Variants in GCGR observed in about 807,000 individuals in gnomAD.
GCGR encodes glucagon receptor.
GCGR carries 41 observed loss-of-function variants against 56.1 expected under a neutral mutation model. That is an observed-to-expected ratio of 0.73 (90% confidence interval 0.57 to 0.95). The LOEUF is 0.95. Among genes scored for constraint, GCGR ranks in the 40% least tolerant of loss-of-function variants. The pLI is 0.00. For missense variants in GCGR, 595 were observed against 638.2 expected (o/e 0.93, Z 0.73); for synonymous variants, 278 against 271.1 (o/e 1.03, Z -0.25).
rs1275835490 is a variant in GCGR, at chr17:81,813,913, G to A, written c.*224G>A. 8 of 584,392 alleles carry A rather than the reference G, an allele frequency of 1.4e-5. No individual in the cohort carries two copies. Among genetic ancestry groups the A allele is most frequent in the Non-Finnish European group, 1.8e-5 (6 of 328,150 alleles). The allele number at this position is 584,392 out of a possible 1,614,324, so 36.2% of individuals were successfully genotyped here. A position where few individuals can be genotyped will look rare whatever the true frequency, so the allele number is the denominator to read the frequency against. ...CAGAGGAGTCCAGGGCGGGAGTGGG[G>A]GCTGTGCCGTGAACTGCGTGCCAGT... On this transcript the variant is annotated 3_prime_UTR_variant, in exon 14 of 14. Coordinates refer to ENST00000400723, the MANE Select transcript of GCGR (RefSeq NM_000160.5). This position sits in a 1 kb window ranked among gnomAD's most constrained non-coding sequence, Gnocchi z 5.3.
chr17:81,804,779 T>G lies in GCGR; in HGVS notation c.-178+530T>G, dbSNP rs2037915638. ...GCCGCTCCTCTTCCGCGGCCCACAC[T>G]GGCGACTTTGACCCCGGCAAGCGGG... On this transcript the variant is annotated intron_variant, in intron 1 of 13. Coordinates refer to ENST00000400723, the MANE Select transcript of GCGR (RefSeq NM_000160.5). The surrounding 1 kb of genome is among the most constrained non-coding windows in gnomAD (Gnocchi z 8.2). 6.6e-6 allele frequency among the ~76,000 whole-genome samples: 1 copy of G among 152,058 alleles called. No individual in the cohort carries two copies. Among genetic ancestry groups the G allele is most frequent in the Non-Finnish European group, 1.5e-5 (1 of 67,980 alleles).
Position 81,811,397 on chromosome 17 carries a change from C to A in GCGR, c.501-7C>A. On this transcript the variant is annotated splice_polypyrimidine_tract_variant and splice_region_variant and intron_variant, in intron 6 of 13. Coordinates refer to ENST00000400723, the MANE Select transcript of GCGR (RefSeq NM_000160.5). The surrounding 1 kb of genome is among the most constrained non-coding windows in gnomAD (Gnocchi z 5.8). ...GGAGGACGGGCGCTGACTGGCTGTGCCCACAGCAAGCTGCACTGCACCCGC... is the reference window on the plus strand; with the variant it reads ...GGAGGACGGGCGCTGACTGGCTGTGACCACAGCAAGCTGCACTGCACCCGC... The A allele has an allele frequency of 6.5e-7, 1 of 1,536,226 alleles. No individual in the cohort carries two copies.
rs2038074407 is a variant in GCGR, at chr17:81,810,704, A to G, written c.164-121A>G. The G allele has an allele frequency of 1.1e-5, 10 of 908,184 alleles. No individual in the cohort carries two copies. Among genetic ancestry groups the G allele is most frequent in the Non-Finnish European group, 1.7e-5 (10 of 583,584 alleles). The allele number at this position is 908,184 out of a possible 1,614,324, so 56.3% of individuals were successfully genotyped here. On this transcript the variant is annotated intron_variant, in intron 3 of 13. Coordinates refer to ENST00000400723, the MANE Select transcript of GCGR (RefSeq NM_000160.5). This position sits in a 1 kb window ranked among gnomAD's most constrained non-coding sequence, Gnocchi z 4.6. ...AGTGGGGGAGGGAGCAGCCCAGGCC[A>G]TGTCCTGGGCGAGGTGACGGCCGAG...
rs967036982 is a variant in GCGR, at chr17:81,810,682, G to A, written c.164-143G>A. ...CAGATGGGGGAGGTGGAGGTCAAGT[G>A]GGGGAGGGAGCAGCCCAGGCCATGT... On this transcript the variant is annotated intron_variant, in intron 3 of 13. Transcript: ENST00000400723. This position sits in a 1 kb window ranked among gnomAD's most constrained non-coding sequence, Gnocchi z 4.6. 1 of 738,568 alleles carries A rather than the reference G, an allele frequency of 1.4e-6. No individual in the cohort carries two copies. Among genetic ancestry groups the A allele is most frequent in the South Asian group, 1.7e-5 (1 of 59,614 alleles). The allele number at this position is 738,568 out of a possible 1,614,324, so 45.8% of individuals were successfully genotyped here.
chr17:81,808,816 GC>G, intron 1 of GCGR, 25 bp from the exon 2 acceptor site: 2 of 633,268 alleles, frequency 3.2e-6, no homozygotes, highest in East Asian at 2.8e-5. Flanking sequence ...GCCGCGCCCG[GC>G]CCCCAGCTCC....
At position 81,811,449 on chromosome 17, in the gene GCGR, G is replaced by A. The variant is rs377618457; in HGVS notation, c.546G>A (p.Ala182=). 2.2e-5 allele frequency: 34 copies of A among 1,536,514 alleles called. No individual in the cohort carries two copies. Among genetic ancestry groups the A allele is most frequent in the African/African-American group, 4.1e-5 (3 of 73,042 alleles). ...TRNAIHANLF[A]SFVLKASSVL... ...ATGCCATCCACGCGAATCTGTTTGCGTCCTTCGTGCTGAAAGCCAGCTCCG... is the reference window on the plus strand; with the variant it reads ...ATGCCATCCACGCGAATCTGTTTGCATCCTTCGTGCTGAAAGCCAGCTCCG... The change falls in exon 7 of 14, where the codon GCG becomes GCA. Residue 182 remains alanine, a synonymous_variant. Coordinates refer to ENST00000400723, the MANE Select transcript of GCGR (RefSeq NM_000160.5). This position sits in a 1 kb window ranked among gnomAD's most constrained non-coding sequence, Gnocchi z 5.8.
At chr17:81,809,752 T>G (rs1469780700) in intron 2 of GCGR, 30 bp from the exon 3 acceptor site, 2 of 1,508,754 alleles carry the variant, frequency 1.3e-6, no homozygotes, top group South Asian at 2.4e-5. Flanking sequence ...TCTGTCTGTC[T>G]GTCTGGTTGC....
Position 81,812,452 on chromosome 17 carries a change from CTA to C in GCGR, c.949-123_949-122del. On this transcript the variant is annotated intron_variant, in intron 10 of 13. Coordinates refer to ENST00000400723, the MANE Select transcript of GCGR (RefSeq NM_000160.5). The surrounding 1 kb of genome is among the most constrained non-coding windows in gnomAD (Gnocchi z 8.5). Reference sequence around the variant, plus strand: ...GGCTGTGTGCCCACCAGCCCCAGGGCTATGTGGCCCAGGGCCTATCTTGCTGC... The same window carrying C: ...GGCTGTGTGCCCACCAGCCCCAGGGCTGTGGCCCAGGGCCTATCTTGCTGC... The C allele has an allele frequency of 9.3e-7, 1 of 1,078,202 alleles. No homozygotes were observed. Among genetic ancestry groups the C allele is most frequent in the African/African-American group, 1.6e-5 (1 of 63,778 alleles). The allele number at this position is 1,078,202 out of a possible 1,614,324, so 66.8% of individuals were successfully genotyped here. A position where few individuals can be genotyped will look rare whatever the true frequency, so the allele number is the denominator to read the frequency against.
chr17:81,810,293 G>C lies in GCGR; in HGVS notation c.163+409G>C. The C allele has an allele frequency of 5.7e-6, 2 of 350,806 alleles. No individual in the cohort carries two copies. The highest frequency in any genetic ancestry group is 4.9e-5 in the South Asian group (2 of 40,706). 21.7% of individuals were successfully genotyped at this position (350,806 alleles called of 1,614,324 possible). ...CCTGGACACTTGGGGTGCAGGGAGA[G>C]GATAGGGCTGGAGGACTCACCCGGG... On this transcript the variant is annotated intron_variant, in intron 3 of 13. Transcript: ENST00000400723. The surrounding 1 kb of genome is among the most constrained non-coding windows in gnomAD (Gnocchi z 4.6).
chr17:81,810,091 C>A lies in GCGR; in HGVS notation c.163+207C>A. On this transcript the variant is annotated intron_variant, in intron 3 of 13. Transcript: ENST00000400723. This position sits in a 1 kb window ranked among gnomAD's most constrained non-coding sequence, Gnocchi z 4.6. ...TGGGGACTTGCCTCAGGCCGCAGAG[C>A]CAGGAAATAACAGAACGGTGGCATT... 1 of 633,928 alleles carries A rather than the reference C, an allele frequency of 1.6e-6. No individual in the cohort carries two copies. The highest frequency in any genetic ancestry group is 2.3e-5 in the Admixed American group (1 of 43,850). 39.3% of individuals were successfully genotyped at this position (633,928 alleles called of 1,614,324 possible).
At chr17:81,808,236 G>A (rs988690106) in intron 1 of GCGR, among the ~76,000 whole-genome samples, 6 of 152,342 alleles carry the variant, frequency 3.9e-5, no homozygotes, top group Middle Eastern at 3.4e-3. Context: ...CCACCCTCAC[G>A]CTTGGCACAT....
At chr17:81,807,361 T>G (rs1200217692) in intron 1 of GCGR, among the ~76,000 whole-genome samples, 1 of 152,340 alleles carries the variant, frequency 6.6e-6, no homozygotes, top group Non-Finnish European at 1.5e-5. Context: ...TAGCAGTCTG[T>G]GACGCAGGTG....
rs1360809130 is a variant in GCGR, at chr17:81,804,820, G to A, written c.-178+571G>A. Among the ~76,000 whole-genome samples, 1 of 152,112 alleles carries A rather than the reference G, an allele frequency of 6.6e-6. No individual in the cohort carries two copies. The highest frequency in any genetic ancestry group is 1.5e-5 in the Non-Finnish European group (1 of 67,986). ...GGCAAGCGGGTCACTGCCCTGCCCGGCTCCGGCCCCCCCGGCGCCCCACCA... is the reference window on the plus strand; with the variant it reads ...GGCAAGCGGGTCACTGCCCTGCCCGACTCCGGCCCCCCCGGCGCCCCACCA... On this transcript the variant is annotated intron_variant, in intron 1 of 13. Coordinates refer to ENST00000400723, the MANE Select transcript of GCGR (RefSeq NM_000160.5). This position sits in a 1 kb window ranked among gnomAD's most constrained non-coding sequence, Gnocchi z 8.2.
rs1200363034 is a variant in GCGR at position 81,810,278 on chromosome 17, T to A, written c.163+394T>A. ...GAGTGTATATCATGGCCTGGACACT[T>A]GGGGTGCAGGGAGAGGATAGGGCTG... is the stretch of plus-strand genomic sequence containing the variant. On this transcript the variant is annotated intron_variant, in intron 3 of 13. Transcript: ENST00000400723. The surrounding 1 kb of genome is among the most constrained non-coding windows in gnomAD (Gnocchi z 4.6). The A allele has an allele frequency of 1.1e-5, 4 of 353,792 alleles. No individual in the cohort carries two copies. The Admixed American group carries it at 1.6e-4, about 14-fold the overall frequency. The allele number at this position is 353,792 out of a possible 1,614,324, so 21.9% of individuals were successfully genotyped here.
Position 81,812,510 on chromosome 17 carries a change from C to A in GCGR, c.949-67C>A, listed in dbSNP as rs2038122635. 3 of 1,441,982 alleles carry A rather than the reference C, an allele frequency of 2.1e-6. No homozygotes were observed. Among genetic ancestry groups the A allele is most frequent in the Non-Finnish European group, 1.9e-6 (2 of 1,068,452 alleles). 89.3% of individuals were successfully genotyped at this position (1,441,982 alleles called of 1,614,324 possible). The stretch of plus-strand genomic sequence containing the variant: ...CCACCTGCAGGAGGGTCAGGTGGGG[C>A]CTTCCAAGGGCACAGAGCTGTTCCC... On this transcript the variant is annotated intron_variant, in intron 10 of 13. Coordinates refer to ENST00000400723, the MANE Select transcript of GCGR (RefSeq NM_000160.5). The surrounding 1 kb of genome is among the most constrained non-coding windows in gnomAD (Gnocchi z 8.5).
At position 81,804,620 on chromosome 17, in the gene GCGR, A is replaced by G. The variant is rs1371379560; in HGVS notation, c.-178+371A>G. ...GCCCCGCCGCCCTGGGGAGCGCACA[A>G]AGCGCCGCGGACGCGTCCCCGAGGC... On this transcript the variant is annotated intron_variant, in intron 1 of 13. Transcript: ENST00000400723. This position sits in a 1 kb window ranked among gnomAD's most constrained non-coding sequence, Gnocchi z 8.2. Among the ~76,000 whole-genome samples the G allele has an allele frequency of 6.6e-6, 1 of 151,412 alleles. No homozygotes were observed. The highest frequency in any genetic ancestry group is 1.5e-5 in the Non-Finnish European group (1 of 67,820).
At position 81,811,905 on chromosome 17, in the gene GCGR, C is replaced by T. The variant is rs1393204395; in HGVS notation, c.837C>T (p.Val279=). ...CCACAGGTGCCCCCATGCTGTTCGT[C>T]GTCCCCTGGGCAGTGGTCAAGTGTC... is the stretch of plus-strand genomic sequence containing the variant. ...GIGWGAPMLF[V]VPWAVVKCLF... is the part of the protein sequence containing the mutation. The change falls in exon 9 of 14, where the codon GTC becomes GTT. Residue 279 remains valine (V), a synonymous_variant. Transcript: ENST00000400723. The surrounding 1 kb of genome is among the most constrained non-coding windows in gnomAD (Gnocchi z 5.8). The T allele has an allele frequency of 7.2e-6, 11 of 1,537,090 alleles. No homozygotes were observed. The highest frequency in any genetic ancestry group is 5.9e-5 in the Admixed American group (3 of 50,988).
Position 81,804,448 on chromosome 17 carries a change from C to T in GCGR, c.-178+199C>T, listed in dbSNP as rs2143074579. 6.6e-6 allele frequency among the ~76,000 whole-genome samples: 1 copy of T among 151,928 alleles called. No individual in the cohort carries two copies. Among genetic ancestry groups the T allele is most frequent in the African/African-American group, 2.4e-5 (1 of 41,488 alleles). On this transcript the variant is annotated intron_variant, in intron 1 of 13. Transcript: ENST00000400723. This position sits in a 1 kb window ranked among gnomAD's most constrained non-coding sequence, Gnocchi z 8.2. ...ACCCCGGCTCGGACACCACCCGGTCCTGCACCGTCGGGCAGGTCCAGGGGT... is the reference window on the plus strand; with the variant it reads ...ACCCCGGCTCGGACACCACCCGGTCTTGCACCGTCGGGCAGGTCCAGGGGT...
Position 81,811,926 on chromosome 17 carries a change from G to A in GCGR, c.858G>A (p.Lys286=). The change falls in exon 9 of 14, where the codon AAG becomes AAA. Residue 286 remains lysine (K), a synonymous_variant. Coordinates refer to ENST00000400723, the MANE Select transcript of GCGR (RefSeq NM_000160.5). The surrounding 1 kb of genome is among the most constrained non-coding windows in gnomAD (Gnocchi z 5.8). Reference sequence around the variant, plus strand: ...TCGTCGTCCCCTGGGCAGTGGTCAAGTGTCTGTTCGAGAACGTCCAGTGAG... The same window carrying A: ...TCGTCGTCCCCTGGGCAGTGGTCAAATGTCTGTTCGAGAACGTCCAGTGAG... ...MLFVVPWAVV[K]CLFENVQCWT... The A allele has an allele frequency of 2.0e-6, 3 of 1,537,124 alleles. No homozygotes were observed. Among genetic ancestry groups the A allele is most frequent in the South Asian group, 2.4e-5 (2 of 84,068 alleles).
Sources: gnomAD v4.1 joint callset for allele counts (sites outside exome capture counted in the v4.1 genomes callset) on GRCh38, gnomAD v4.1.1 for gene constraint, Gnocchi (gnomAD v3.1) non-coding constraint, MANE v1.5 for transcripts, NCBI Gene and HGNC (gene_info 2026-07-23, HGNC 2026-07-21) for gene names.